NEDD4L: variants seen among roughly 807,000 people sequenced by gnomAD.
NEDD4L encodes the protein E3 ubiquitin-protein ligase NEDD4-like.
NEDD4L carries 54 observed loss-of-function variants against 148.9 expected under a neutral mutation model. The ratio of observed to expected loss-of-function variants is 0.36; its 90% CI spans 0.29 to 0.45. The LOEUF (loss-of-function observed/expected upper bound fraction) is 0.45. Ranked by LOEUF, NEDD4L falls within the 20% of genes least tolerant of loss-of-function variation. The pLI, the probability that NEDD4L is intolerant of heterozygous loss-of-function variation, is 1.00. For missense variants in NEDD4L, 856 were observed against 1,233.8 expected (o/e 0.69, Z 4.59); for synonymous variants, 433 against 440.7 (o/e 0.98, Z 0.22).
chr18:58,355,494 A>G (rs939955057), intron 18 of NEDD4L, among the ~76,000 whole-genome samples: 3 of 152,202 alleles, frequency 2.0e-5, no homozygotes, highest in African/African-American at 7.2e-5. Context: ...GCGAATCCCA[A>G]TGAGTCAGGA....
chr18:58,133,297 T>TCCAC (rs1372829589), intron 1 of NEDD4L, among the ~76,000 whole-genome samples: 15 of 152,312 alleles, frequency 9.8e-5, no homozygotes, highest in South Asian at 2.1e-4. Flanking sequence ...TGCCAACTGT[T>TCCAC]TCCACTGCTC....
intron 1 of NEDD4L, among the ~76,000 whole-genome samples, chr18:58,150,586 A>T (rs1395635407): frequency 6.6e-6 from 1 of 152,210 alleles, no homozygotes; most frequent in African/African-American, 2.4e-5. Context: ...TTAAAAGGAG[A>T]CAGTTAAAAG....
intron 18 of NEDD4L, among the ~76,000 whole-genome samples, chr18:58,355,714 A>G (rs918904420): frequency 1.3e-5 from 2 of 152,108 alleles, no homozygotes; most frequent in Admixed American, 6.5e-5. Context: ...GCTTCCATCA[A>G]GATTCTCTCA....
At chr18:58,216,314 C>G (rs773030680) in intron 2 of NEDD4L, among the ~76,000 whole-genome samples, 1 of 151,952 alleles carries the variant, frequency 6.6e-6, no homozygotes, top group Non-Finnish European at 1.5e-5. Flanking sequence ...GGTAAAGGAG[C>G]CATGGTTCTT....
intron 24 of NEDD4L, among the ~76,000 whole-genome samples, chr18:58,374,489 G>A (rs2047287441): frequency 6.6e-6 from 1 of 151,348 alleles, no homozygotes; most frequent in Non-Finnish European, 1.5e-5. Flanking sequence ...CCACCCCACT[G>A]TGTTGTGCTT....
At chr18:58,340,982 A>T in intron 13 of NEDD4L, 56 bp from the exon 14 acceptor site, 2 of 1,546,928 alleles carry the variant, frequency 1.3e-6, no homozygotes, top group Non-Finnish European at 1.8e-6. Context: ...ACTTTATTAA[A>T]CTGATCAGAA....
In NEDD4L at chr18:58,323,223, T is replaced by C. The variant is rs1358155175; in HGVS notation, c.411-9T>C. ...CCTTCTAACCAATTTTCTTCCATTA[T>C]GTGTGCAGTCATAAGTCTCGAGTTA... is the stretch of plus-strand genomic sequence containing the variant. On this transcript the variant is annotated splice_polypyrimidine_tract_variant and intron_variant, in intron 7 of 30. Transcript: ENST00000400345. 4 of 1,543,958 alleles carry C rather than the reference T, an allele frequency of 2.6e-6. No individual in the cohort carries two copies. Among genetic ancestry groups the C allele is most frequent in the Non-Finnish European group, 2.7e-6 (3 of 1,122,424 alleles).
At chr18:58,150,398 C>T (rs1450228932) in intron 1 of NEDD4L, among the ~76,000 whole-genome samples, 1 of 152,204 alleles carries the variant, frequency 6.6e-6, no homozygotes, top group Admixed American at 6.5e-5. Flanking sequence ...CCACACCTGA[C>T]TAATTTTAGT....
chr18:58,300,733 C>T (rs150528319), intron 5 of NEDD4L, among the ~76,000 whole-genome samples: 31 of 152,302 alleles, frequency 2.0e-4, no homozygotes, highest in Non-Finnish European at 4.0e-4. Context: ...ATATGCTGGG[C>T]TCTGTTAGGT....
chr18:58,341,851 T>C (rs2042467968), intron 15 of NEDD4L, 54 bp downstream of exon 15: 2 of 1,577,636 alleles, frequency 1.3e-6, no homozygotes, highest in East Asian at 4.7e-5. Flanking sequence ...ACTCCCATTC[T>C]TTCTTCTCTC....
At position 58,127,849 on chromosome 18, in the gene NEDD4L, A is replaced by AG. The variant is rs754336036; in HGVS notation, c.49-37939_49-37938insG. 8.9e-3 allele frequency among the ~76,000 whole-genome samples: 635 copies of AG among 71,398 alleles called. 3 individuals are homozygous for AG. The highest frequency in any genetic ancestry group is 0.017 in the Non-Finnish European group (485 of 28,358). 46.8% of individuals were successfully genotyped at this position (71,398 alleles called of 152,430 possible). A position where few individuals can be genotyped will look rare whatever the true frequency, so the allele number is the denominator to read the frequency against. ...GAGTGAGACTCCGTCTCAAAAAAAA[A>AG]AAAAAAAAAAGAATCAACATTTATT... On this transcript the variant is annotated intron_variant, in intron 1 of 30. Coordinates refer to ENST00000400345, the MANE Select transcript of NEDD4L (RefSeq NM_001144967.3).
chr18:58,165,914 T>A, intron 2 of NEDD4L, 53 bp downstream of exon 2: 16 of 1,463,008 alleles, frequency 1.1e-5, no homozygotes, highest in Non-Finnish European at 1.5e-5. Context: ...TGACAAGCAG[T>A]TTTCAAATTC....
chr18:58,333,944 C>T, intron 12 of NEDD4L, 52 bp downstream of exon 12: 2 of 1,220,570 alleles, frequency 1.6e-6, no homozygotes, highest in Non-Finnish European at 1.2e-6. Flanking sequence ...CTTTCATTTA[C>T]AATCATCTGG....
intron 1 of NEDD4L, among the ~76,000 whole-genome samples, chr18:58,102,102 TA>T (rs1460456066): frequency 5.8e-4 from 88 of 152,220 alleles, no homozygotes; most frequent in African/African-American, 2.1e-3. Flanking sequence ...CCTGAATGTT[TA>T]TTTAAGCTCT....
At chr18:58,294,199 A>C (rs192012661) in intron 5 of NEDD4L, among the ~76,000 whole-genome samples, 3 of 152,300 alleles carry the variant, frequency 2.0e-5, no homozygotes, top group African/African-American at 4.8e-5. Flanking sequence ...TCCAAAATAA[A>C]CCCAAGGATT....
At chr18:58,380,295 A>T (rs867883739) in intron 24 of NEDD4L, among the ~76,000 whole-genome samples, 280 of 121,588 alleles carry the variant, frequency 2.3e-3, no homozygotes, top group African/African-American at 9.7e-3. Flanking sequence ...TTTCTTTTTT[A>T]TTTTATTTAT....
chr18:58,357,195 T>C lies in NEDD4L; in HGVS notation c.1710T>C (p.Asn570=). 1 of 1,604,292 alleles carries C rather than the reference T, an allele frequency of 6.2e-7. No individual in the cohort carries two copies. Among genetic ancestry groups the C allele is most frequent in the South Asian group, 1.1e-5 (1 of 90,320 alleles). The change falls in exon 19 of 31, where the codon AAT becomes AAC. Residue 570 remains asparagine (N), a splice_region_variant and synonymous_variant. Transcript: ENST00000400345. ...LDGRTFYIDH[N]SKITQWEDPR... is the part of the protein sequence containing the mutation. ...TTTTTTTTTTTTTAACATTTTCAGA[T>C]AGCAAAATTACTCAGTGGGAAGACC... is the stretch of plus-strand genomic sequence containing the variant.
In NEDD4L at chr18:58,256,155, G is replaced by T; in HGVS notation, c.297+4101G>T. On this transcript the variant is annotated intron_variant, in intron 5 of 30. Coordinates refer to ENST00000400345, the MANE Select transcript of NEDD4L (RefSeq NM_001144967.3). The surrounding 1 kb of genome is among the most constrained non-coding windows in gnomAD (Gnocchi z 5.2). Reference sequence around the variant, plus strand: ...CTCCAGGTCAACGGCACGTGCGGCCGCCGCGTGCGGTGCTCCGGCCCCGTG... The same window carrying T: ...CTCCAGGTCAACGGCACGTGCGGCCTCCGCGTGCGGTGCTCCGGCCCCGTG... The T allele has an allele frequency of 8.2e-7, 1 of 1,220,082 alleles. No homozygotes were observed. The highest frequency in any genetic ancestry group is 1.0e-6 in the Non-Finnish European group (1 of 980,674). 75.6% of individuals were successfully genotyped at this position (1,220,082 alleles called of 1,614,324 possible).
intron 2 of NEDD4L, among the ~76,000 whole-genome samples, chr18:58,175,431 A>T (rs2038018955): frequency 6.6e-6 from 1 of 152,230 alleles, no homozygotes; most frequent in Admixed American, 6.5e-5. Flanking sequence ...TAGCATTTAG[A>T]ACTGACTTCT....
Sources: gnomAD v4.1 joint callset for allele counts (sites outside exome capture counted in the v4.1 genomes callset) on GRCh38, gnomAD v4.1.1 for gene constraint, Gnocchi (gnomAD v3.1) non-coding constraint, MANE v1.5 for transcripts, NCBI Gene and HGNC (gene_info 2026-07-23, HGNC 2026-07-21) for gene names.